The following NRG1 variants were observed in gnomAD, a reference collection of about 807,000 sequenced individuals.
NRG1 encodes the protein pro-neuregulin-1, membrane-bound isoform.
NRG1 carries 18 observed loss-of-function variants against 63.8 expected under a neutral mutation model. The ratio of observed to expected loss-of-function variants is 0.28; its 90% CI spans 0.19 to 0.42. NRG1 has a LOEUF of 0.42. Ranked by LOEUF, NRG1 falls within the 10% of genes least tolerant of loss-of-function variation. The probability of loss-of-function intolerance (pLI) is 1.00; values close to 1 mark genes in which losing one functional copy is unlikely to be tolerated. For synonymous variants in NRG1, 302 were observed against 301.3 expected, an observed-to-expected ratio of 1.00 and a Z score of -0.02; for missense variants, 762 against 814.7, an observed-to-expected ratio of 0.94 and a Z score of 0.79.
At chr8:32,020,825 C>G (rs1563687732) in intron 1 of NRG1, among the ~76,000 whole-genome samples, 1 of 152,026 alleles carries the variant, frequency 6.6e-6, no homozygotes. Flanking sequence ...TGTTATAATG[C>G]TTTAGTTTCT....
At position 31,972,542 on chromosome 8, in the gene NRG1, T is replaced by C. The variant is rs150053578; in HGVS notation, c.37+333111T>C. ...TTCTGTACTTCTAACTTTGAGCCTT[T>C]TATTCCCTTCCTATTTGCAAGCTTC... On this transcript the variant is annotated intron_variant, in intron 1 of 10. Coordinates refer to the NRG1 transcript ENST00000519301. Among the ~76,000 whole-genome samples the C allele has an allele frequency of 8.0e-3, 1,213 of 152,296 alleles. 20 individuals are homozygous for C. Among genetic ancestry groups the C allele is most frequent in the South Asian group, 0.074 (357 of 4,822 alleles).
intron 1 of NRG1, among the ~76,000 whole-genome samples, chr8:32,121,990 C>T (rs975738616): frequency 6.6e-6 from 1 of 151,896 alleles, no homozygotes; most frequent in Non-Finnish European, 1.5e-5. Context: ...CTACTTATTT[C>T]CTTTATTAAA....
chr8:32,344,561 C>T (rs116847861), intron 1 of NRG1, among the ~76,000 whole-genome samples: 5,176 of 150,036 alleles, frequency 0.034, 141 homozygotes, highest in Non-Finnish European at 0.055. Flanking sequence ...CTTAGCCTCC[C>T]AAGTAGCTGG....
chr8:31,902,971 A>T (rs184580995), intron 1 of NRG1, among the ~76,000 whole-genome samples: 2 of 152,150 alleles, frequency 1.3e-5, no homozygotes, highest in East Asian at 3.9e-4. Flanking sequence ...TCTCCCTCTC[A>T]TGATGTTAGA....
At chr8:32,007,717 T>C (rs1563673711) in intron 1 of NRG1, among the ~76,000 whole-genome samples, 1 of 152,072 alleles carries the variant, frequency 6.6e-6, no homozygotes, top group Non-Finnish European at 1.5e-5. Flanking sequence ...TGCCCTCAGA[T>C]TAGTTTGAGA....
intron 1 of NRG1, among the ~76,000 whole-genome samples, chr8:32,168,020 T>C (rs1190282937): frequency 6.6e-6 from 1 of 152,118 alleles, no homozygotes; most frequent in East Asian, 1.9e-4. Context: ...AGTAATTTCA[T>C]TTAGGGGAAA....
chr8:31,852,414 G>A lies in NRG1; in HGVS notation c.37+212983G>A, dbSNP rs183653806. On this transcript the variant is annotated intron_variant, in intron 1 of 10. Coordinates refer to the NRG1 transcript ENST00000519301. The stretch of plus-strand genomic sequence containing the variant: ...TGGCTGCATAAATGTCTTCTTTTGA[G>A]AAGTGTCTGTTCACGTCCTACGCCC... Among the ~76,000 whole-genome samples the A allele has an allele frequency of 3.0e-3, 459 of 152,250 alleles. 4 individuals carry two copies. The highest frequency in any genetic ancestry group is 0.01 in the African/African-American group (417 of 41,564).
At chr8:32,399,506 G>C (rs1199734250) in intron 1 of NRG1, among the ~76,000 whole-genome samples, 1 of 152,096 alleles carries the variant, frequency 6.6e-6, no homozygotes, top group Non-Finnish European at 1.5e-5. Context: ...GGAGTTCGAG[G>C]CCAGCGTGGC....
chr8:32,170,258 G>T (rs544312202), intron 1 of NRG1, among the ~76,000 whole-genome samples: 19 of 152,320 alleles, frequency 1.2e-4, no homozygotes, highest in Admixed American at 8.5e-4. Context: ...AGACCCAAGT[G>T]GGGAAGAAAA....
At chr8:32,167,998 T>A (rs1839580633) in intron 1 of NRG1, among the ~76,000 whole-genome samples, 2 of 152,054 alleles carry the variant, frequency 1.3e-5, no homozygotes, top group Non-Finnish European at 2.9e-5. Flanking sequence ...ACTTTGGGAG[T>A]TCTCTTTATC....
chr8:32,116,228 C>G (rs544384115), intron 1 of NRG1, among the ~76,000 whole-genome samples: 1 of 152,106 alleles, frequency 6.6e-6, no homozygotes, highest in Non-Finnish European at 1.5e-5. Context: ...TCCTCCTGTA[C>G]GACCTAAAAC....
intron 1 of NRG1, among the ~76,000 whole-genome samples, chr8:31,912,566 CTTTTTTTTT>C (rs3052846): frequency 3.8e-5 from 4 of 105,630 alleles, no homozygotes; most frequent in African/African-American, 1.4e-4. Flanking sequence ...TTTAGAAATG[CTTTTTTTTT>C]TTTTTTTTTT....
intron 1 of NRG1, among the ~76,000 whole-genome samples, chr8:31,805,975 C>T (rs551907033): frequency 7.2e-5 from 11 of 152,206 alleles, no homozygotes; most frequent in Middle Eastern, 3.4e-3. Flanking sequence ...ATCACTTTGC[C>T]ACCTAATGCC....
chr8:32,541,509 A>AC (rs1832572988), intron 1 of NRG1, among the ~76,000 whole-genome samples: 1 of 149,358 alleles, frequency 6.7e-6, no homozygotes, highest in African/African-American at 2.5e-5. Flanking sequence ...ACATACAGGA[A>AC]AAAAAAAAAA....
intron 1 of NRG1, among the ~76,000 whole-genome samples, chr8:31,794,941 TAC>T (rs1821060653): frequency 6.6e-6 from 1 of 152,098 alleles, no homozygotes. Flanking sequence ...TAGCTGAGAT[TAC>T]AGTCATGCGA....
intron 1 of NRG1, among the ~76,000 whole-genome samples, chr8:31,853,475 T>G (rs1349425275): frequency 2.0e-5 from 3 of 150,218 alleles, no homozygotes; most frequent in African/African-American, 7.4e-5. Flanking sequence ...TCCTGAGACT[T>G]TGCTGAAGTT....
rs1226328878 is a variant in NRG1, at chr8:32,027,463, T to C, written c.37+388032T>C. The stretch of plus-strand genomic sequence containing the variant: ...TTCCTTCCTTCCTTCCTTCCTTCCT[T>C]CCTTCCCTCCCTCCCTCCCTCCCTA... On this transcript the variant is annotated intron_variant, in intron 1 of 10. Transcript: ENST00000519301. 5.0e-4 allele frequency among the ~76,000 whole-genome samples: 60 copies of C among 119,214 alleles called. 1 individual carries two copies. The highest frequency in any genetic ancestry group is 1.0e-3 in the Admixed American group (12 of 11,782). The allele number at this position is 119,214 out of a possible 152,430, so 78.2% of individuals were successfully genotyped here.
At chr8:32,657,793 GC>G (rs1034457027) in intron 5 of NRG1, among the ~76,000 whole-genome samples, 2 of 152,084 alleles carry the variant, frequency 1.3e-5, no homozygotes, top group Non-Finnish European at 2.9e-5. Flanking sequence ...GCTAAGTACT[GC>G]CTACAAAGCA....
chr8:32,409,387 A>G (rs1814565483), intron 1 of NRG1, among the ~76,000 whole-genome samples: 1 of 152,242 alleles, frequency 6.6e-6, no homozygotes, highest in Admixed American at 6.5e-5. Context: ...CAAATGCAAC[A>G]AAAGCAAAAA....
Sources: gnomAD v4.1 joint callset for allele counts (sites outside exome capture counted in the v4.1 genomes callset) on GRCh38, gnomAD v4.1.1 for gene constraint, MANE v1.5 for transcripts, NCBI Gene and HGNC (gene_info 2026-07-23, HGNC 2026-07-21) for gene names.